PPP3CA: variants seen among roughly 807,000 people sequenced by gnomAD.
PPP3CA encodes the protein protein phosphatase 3 catalytic subunit alpha.
In PPP3CA, 14 loss-of-function variants were observed where a neutral mutation model predicts 66.5. That is an observed-to-expected ratio of 0.21 (90% CI 0.14 to 0.33). PPP3CA has a LOEUF of 0.33. Among genes scored for constraint, PPP3CA ranks in the 10% least tolerant of loss-of-function variants. The probability of loss-of-function intolerance (pLI) is 1.00; values close to 1 mark genes in which losing one functional copy is unlikely to be tolerated. For missense variants in PPP3CA, 317 were observed against 639.5 expected (o/e 0.50, Z 5.44); for synonymous variants, 232 against 226.2 (o/e 1.03, Z -0.23).
intron 2 of PPP3CA, among the ~76,000 whole-genome samples, chr4:101,187,218 CT>C (rs777985709): frequency 3.9e-5 from 6 of 152,116 alleles, no homozygotes; most frequent in Non-Finnish European, 7.4e-5. Flanking sequence ...TTAAATCACA[CT>C]TCCTATTATC....
chr4:101,332,509 G>GC (rs1490995643), intron 1 of PPP3CA, among the ~76,000 whole-genome samples: 3 of 152,094 alleles, frequency 2.0e-5, no homozygotes, highest in Non-Finnish European at 4.4e-5. Flanking sequence ...GAATGGTAGG[G>GC]CCCCCCAAAT....
intron 11 of PPP3CA, among the ~76,000 whole-genome samples, chr4:101,035,972 C>T (rs958240380): frequency 1.3e-5 from 2 of 152,124 alleles, no homozygotes; most frequent in Non-Finnish European, 2.9e-5. Context: ...TCTCCAGATC[C>T]GTGCTTTCTA....
chr4:101,218,765 G>C (rs1213861672), intron 1 of PPP3CA, among the ~76,000 whole-genome samples: 2 of 151,982 alleles, frequency 1.3e-5, no homozygotes, highest in African/African-American at 4.8e-5. Context: ...AAAAAGAATA[G>C]AGACCTAAAA....
chr4:101,096,644 A>G (rs565220231), intron 5 of PPP3CA, among the ~76,000 whole-genome samples: 187 of 152,344 alleles, frequency 1.2e-3, no homozygotes, highest in Non-Finnish European at 2.3e-3. Context: ...AAATTTGATC[A>G]AGGCAAGAGA....
chr4:101,160,703 T>G (rs1175581211), intron 2 of PPP3CA, among the ~76,000 whole-genome samples: 3 of 152,148 alleles, frequency 2.0e-5, no homozygotes, highest in African/African-American at 7.2e-5. Context: ...TCAATAGCTA[T>G]TTCTTCTTTT....
chr4:101,215,945 G>T (rs1022320205), intron 1 of PPP3CA, among the ~76,000 whole-genome samples: 2 of 152,228 alleles, frequency 1.3e-5, no homozygotes, highest in African/African-American at 4.8e-5. Context: ...GCACTAAGGA[G>T]TGAAGAGAAG....
chr4:101,077,576 T>C (rs1729247654), intron 8 of PPP3CA, among the ~76,000 whole-genome samples: 1 of 152,226 alleles, frequency 6.6e-6, no homozygotes, highest in South Asian at 2.1e-4. Flanking sequence ...ACACTGTTAG[T>C]ATAATAGCTT....
chr4:101,244,496 C>A (rs928413897), intron 1 of PPP3CA, among the ~76,000 whole-genome samples: 1 of 152,052 alleles, frequency 6.6e-6, no homozygotes, highest in Non-Finnish European at 1.5e-5. Flanking sequence ...TAATCAACAC[C>A]ACAGAATAAA....
intron 1 of PPP3CA, among the ~76,000 whole-genome samples, chr4:101,296,183 A>G (rs1728193591): frequency 6.6e-6 from 1 of 152,202 alleles, no homozygotes; most frequent in Non-Finnish European, 1.5e-5. Context: ...TACCAACCTT[A>G]TAAAAGGGGG....
At chr4:101,088,146 CTG>C (rs146544831) in intron 6 of PPP3CA, among the ~76,000 whole-genome samples, 8,224 of 152,208 alleles carry the variant, frequency 0.054, 367 homozygotes, top group African/African-American at 0.11. Context: ...CCCCACCAAC[CTG>C]TGTGTGTGCG....
chr4:101,098,257 T>C (rs1730287111), intron 5 of PPP3CA, 110 bp downstream of exon 5: 1 of 1,215,732 alleles, frequency 8.2e-7, no homozygotes, highest in Non-Finnish European at 1.1e-6. Context: ...CCACTTTAAA[T>C]TATTTGAACT....
chr4:101,167,307 T>C (rs1723723044), intron 2 of PPP3CA, among the ~76,000 whole-genome samples: 1 of 152,156 alleles, frequency 6.6e-6, no homozygotes, highest in Non-Finnish European at 1.5e-5. Flanking sequence ...ATGGTGACTT[T>C]TGTGTTTGTT....
At chr4:101,335,184 A>G (rs1729585935) in intron 1 of PPP3CA, among the ~76,000 whole-genome samples, 1 of 152,160 alleles carries the variant, frequency 6.6e-6, no homozygotes, top group Admixed American at 6.5e-5. Context: ...CCATAGTTGG[A>G]AGCCACTGGT....
intron 1 of PPP3CA, among the ~76,000 whole-genome samples, chr4:101,302,454 T>C (rs532329957): frequency 1.3e-5 from 2 of 152,370 alleles, no homozygotes; most frequent in South Asian, 4.1e-4. Flanking sequence ...TGTTAATCTG[T>C]AACAAGTTTG....
At chr4:101,212,631 G>GA (rs902237996) in intron 1 of PPP3CA, among the ~76,000 whole-genome samples, 1 of 151,782 alleles carries the variant, frequency 6.6e-6, no homozygotes, top group African/African-American at 2.4e-5. Context: ...GTTGAAGGGG[G>GA]AAAAAAAGAA....
intron 2 of PPP3CA, among the ~76,000 whole-genome samples, chr4:101,180,341 A>G (rs1475065567): frequency 6.6e-6 from 1 of 152,080 alleles, no homozygotes; most frequent in Non-Finnish European, 1.5e-5. Context: ...AATTGGTAAA[A>G]AGCTAAAACA....
intron 2 of PPP3CA, among the ~76,000 whole-genome samples, chr4:101,116,830 G>C (rs925869347): frequency 2.0e-5 from 3 of 151,688 alleles, no homozygotes; most frequent in African/African-American, 7.3e-5. Context: ...ATATGTTTTA[G>C]GCACTTTATA....
At chr4:101,270,439 C>T (rs1306356990) in intron 1 of PPP3CA, among the ~76,000 whole-genome samples, 5 of 152,032 alleles carry the variant, frequency 3.3e-5, no homozygotes, top group Middle Eastern at 3.2e-3. Context: ...TGATGCCATA[C>T]GTTCCTAAAA....
intron 1 of PPP3CA, among the ~76,000 whole-genome samples, chr4:101,341,526 C>T (rs1369622704): frequency 1.3e-5 from 2 of 152,152 alleles, no homozygotes; most frequent in Non-Finnish European, 2.9e-5. Context: ...ATACATAACA[C>T]GTGTCATTTC....
Sources: gnomAD v4.1 joint callset for allele counts (sites outside exome capture counted in the v4.1 genomes callset) on GRCh38, gnomAD v4.1.1 for gene constraint, MANE v1.5 for transcripts, NCBI Gene and HGNC (gene_info 2026-07-23, HGNC 2026-07-21) for gene names.